ZNF707: variants seen among roughly 807,000 people sequenced by gnomAD.
The protein encoded by ZNF707 is zinc finger protein 707.
Under a neutral mutation model 13.3 loss-of-function variants are expected in ZNF707, and 8 were observed. The observed-to-expected ratio is 0.60, with a 90% CI of 0.35 to 1.09. ZNF707 has a LOEUF of 1.09. ZNF707 is among the 50% of genes least tolerant of loss of function. ZNF707 has a pLI of 0.02. For synonymous variants in ZNF707, 225 were observed against 205.6 expected, an observed-to-expected ratio of 1.09 and a Z score of -0.81; for missense variants, 530 against 512.6, an observed-to-expected ratio of 1.03 and a Z score of -0.33.
chr8:143,686,819 T>C (rs1004297039), intron 1 of ZNF707: 16 of 145,000 alleles, frequency 1.1e-4, no homozygotes, highest in Non-Finnish European at 2.2e-4. Context: ...TTTTTTTTTT[T>C]TCTTAACTGC....
chr8:143,690,776 G>A, intron 3 of ZNF707: 1 of 416,546 alleles, frequency 2.4e-6, no homozygotes, highest in Non-Finnish European at 4.3e-6. Flanking sequence ...GGCCACTATT[G>A]TGCTGTGTTC....
intron 4 of ZNF707, 185 bp from the exon 5 acceptor site, chr8:143,691,415 A>C: frequency 9.4e-7 from 1 of 1,064,976 alleles, no homozygotes; most frequent in Non-Finnish European, 1.3e-6. Context: ...TGACCTTGCC[A>C]GGGCCTTCCG....
Position 143,694,263 on chromosome 8 carries a change from C to T in ZNF707, c.849C>T (p.Thr283=), listed in dbSNP as rs371238101. 1.1e-4 allele frequency: 175 copies of T among 1,591,872 alleles called. 5 individuals are homozygous for T. In the South Asian group the frequency reaches 1.7e-3, roughly 15 times the overall value. Residue 283 remains threonine (T), a synonymous_variant, in exon 6 of 6, where the codon ACC becomes ACT. Coordinates refer to ENST00000358656, the MANE Select transcript of ZNF707 (RefSeq NM_001100598.2). The surrounding 1 kb of genome is among the most constrained non-coding windows in gnomAD (Gnocchi z 4.4). ...TTCTCAGACACCAGCTGGTGCACAC[C>T]GGGGAGCGGCCGTTCTACTGCGCGG... is the stretch of plus-strand genomic sequence containing the variant. The part of the protein sequence containing the change: ...SNLLRHQLVH[T]GERPFYCADC...
At chr8:143,688,270 A>G (rs1362918253) in intron 1 of ZNF707, among the ~76,000 whole-genome samples, 2 of 152,076 alleles carry the variant, frequency 1.3e-5, no homozygotes, top group Non-Finnish European at 2.9e-5. Flanking sequence ...GAAAGAGTGA[A>G]AAAAAAATAT....
intron 5 of ZNF707, chr8:143,692,248 G>A (rs1554613847): frequency 7.8e-7 from 1 of 1,290,030 alleles, no homozygotes; most frequent in Admixed American, 2.3e-5. Flanking sequence ...TTTTCAGAGT[G>A]GGATGGAGCA....
rs1392188398 is a variant in ZNF707 at position 143,693,422 on chromosome 8, G to C, written c.257-249G>C. Among the ~76,000 whole-genome samples, 1 of 151,816 alleles carries C rather than the reference G, an allele frequency of 6.6e-6. No homozygotes were observed. Among genetic ancestry groups the C allele is most frequent in the African/African-American group, 2.4e-5 (1 of 41,370 alleles). On this transcript the variant is annotated intron_variant, in intron 5 of 5. Coordinates refer to ENST00000358656, the MANE Select transcript of ZNF707 (RefSeq NM_001100598.2). The surrounding 1 kb of genome is among the most constrained non-coding windows in gnomAD (Gnocchi z 4.1). ...CCTGCCTCAGCCTCCCGAGTAGCTG[G>C]GACCACAGGCGCCCGCCACTGCGCC...
Position 143,694,184 on chromosome 8 carries a change from A to C in ZNF707, c.770A>C (p.His257Pro). The C allele has an allele frequency of 6.4e-7, 1 of 1,574,790 alleles. No individual in the cohort carries two copies. The highest frequency in any genetic ancestry group is 8.6e-7 in the Non-Finnish European group (1 of 1,159,996). ...CAGCACCGCAAGGTCCACACCGAGC[A>C]CAGGCCCTACTCGTGTGGCGACTGT... ...LAQHRKVHTEHRPYSCGDCGK... is the reference protein window; with the variant it reads ...LAQHRKVHTEPRPYSCGDCGK... The change falls in exon 6 of 6, where the codon CAC becomes CCC. Residue 257 changes from histidine (H) to proline (P), a missense_variant. Physicochemically the swap from His to Pro is moderately conservative, Grantham distance 77. Coordinates refer to ENST00000358656, the MANE Select transcript of ZNF707 (RefSeq NM_001100598.2). This position sits in a 1 kb window ranked among gnomAD's most constrained non-coding sequence, Gnocchi z 4.4.
At chr8:143,688,049 T>C (rs1489038971) in intron 1 of ZNF707, 2 of 147,544 alleles carry the variant, frequency 1.4e-5, no homozygotes, top group Admixed American at 1.4e-4. Flanking sequence ...CTCGGCTCAC[T>C]GCAAGCTCTG....
rs559876557 is a variant in ZNF707, at chr8:143,694,453, G to A, written c.1039G>A (p.Gly347Ser). The A allele has an allele frequency of 2.2e-5, 36 of 1,612,102 alleles. No homozygotes were observed. The East Asian group carries it at 5.8e-4, about 26-fold the overall frequency. Reference sequence around the variant, plus strand: ...CCTGACGAAGAGGTTCTACGAGTGCGGCCACTGTGGGAAAGGCTTCCGTCA... The same window carrying A: ...CCTGACGAAGAGGTTCTACGAGTGCAGCCACTGTGGGAAAGGCTTCCGTCA... Reference protein sequence around the residue: ...LHLTKRFYECGHCGKGFRHLG... With the variant: ...LHLTKRFYECSHCGKGFRHLG... Residue 347 changes from glycine to serine, a missense_variant, in exon 6 of 6, where the codon GGC (glycine) becomes AGC (serine). By Grantham distance (56) the Gly-to-Ser change is moderately conservative. Coordinates refer to ENST00000358656, the MANE Select transcript of ZNF707 (RefSeq NM_001100598.2). The surrounding 1 kb of genome is among the most constrained non-coding windows in gnomAD (Gnocchi z 4.4).
In ZNF707 at chr8:143,693,591, G is replaced by A. The variant is rs901844661; in HGVS notation, c.257-80G>A. 11 of 1,434,732 alleles carry A rather than the reference G, an allele frequency of 7.7e-6. No individual in the cohort carries two copies. Among genetic ancestry groups the A allele is most frequent in the East Asian group, 7.6e-5 (3 of 39,436 alleles). The allele number at this position is 1,434,732 out of a possible 1,614,324, so 88.9% of individuals were successfully genotyped here. A position where few individuals can be genotyped will look rare whatever the true frequency, so the allele number is the denominator to read the frequency against. On this transcript the variant is annotated intron_variant, in intron 5 of 5. Transcript: ENST00000358656. The surrounding 1 kb of genome is among the most constrained non-coding windows in gnomAD (Gnocchi z 4.1). ...ATTACAGGCGTGAGCCACCGCGCCC[G>A]GCCTCCTCTGGGCTTTGCTGGAGGC...
chr8:143,690,136 G>A lies in ZNF707; in HGVS notation c.15+13G>A, dbSNP rs782375048. 2.5e-6 allele frequency: 4 copies of A among 1,604,650 alleles called. No homozygotes were observed. The East Asian group carries it at 8.9e-5, about 36-fold the overall frequency. ...GGACATGGCCCAGGTGAGCCCTGCT[G>A]CTGCCGAGCGCAGCCTCCCTTCTGC... On this transcript the variant is annotated intron_variant, in intron 3 of 5. Transcript: ENST00000358656.
rs1300622762 is a variant in ZNF707 at position 143,694,853 on chromosome 8, G to T, written c.*323G>T. On this transcript the variant is annotated 3_prime_UTR_variant, in exon 6 of 6. Coordinates refer to ENST00000358656, the MANE Select transcript of ZNF707 (RefSeq NM_001100598.2). The surrounding 1 kb of genome is among the most constrained non-coding windows in gnomAD (Gnocchi z 4.4). ...GCCGGGCTCAGAGGCGGAGAAGCCT[G>T]CCTGGTGCCCACAGCCGTCTGGCTC... 2 of 290,520 alleles carry T rather than the reference G, an allele frequency of 6.9e-6. No individual in the cohort carries two copies. Among genetic ancestry groups the T allele is most frequent in the African/African-American group, 4.4e-5 (2 of 45,972 alleles). The allele number at this position is 290,520 out of a possible 1,614,324, so 18.0% of individuals were successfully genotyped here. A position where few individuals can be genotyped will look rare whatever the true frequency, so the allele number is the denominator to read the frequency against.
At chr8:143,690,007 G>C in intron 2 of ZNF707, 50 bp from the exon 3 acceptor site, 1 of 1,512,026 alleles carries the variant, frequency 6.6e-7, no homozygotes, top group Non-Finnish European at 9.1e-7. Flanking sequence ...GTCAGGTGCG[G>C]GGGGCATTCC....
In ZNF707 at chr8:143,694,531, G is replaced by T. The variant is rs201437689; in HGVS notation, c.*1G>T. On this transcript the variant is annotated 3_prime_UTR_variant, in exon 6 of 6. Coordinates refer to ENST00000358656, the MANE Select transcript of ZNF707 (RefSeq NM_001100598.2). This position sits in a 1 kb window ranked among gnomAD's most constrained non-coding sequence, Gnocchi z 4.4. ...GACTCACAGGCACGGGGAGGTGTAG[G>T]GGCGCCCGAAGAGTGGGGTGCTGCG... 78 of 1,592,856 alleles carry T rather than the reference G, an allele frequency of 4.9e-5. No homozygotes were observed. The highest frequency in any genetic ancestry group is 6.4e-5 in the Non-Finnish European group (75 of 1,165,846).
rs545280043 is a variant in ZNF707 at position 143,694,157 on chromosome 8, C to G, written c.743C>G (p.Ala248Gly). The G allele has an allele frequency of 2.3e-5, 36 of 1,584,454 alleles. 1 individual carries two copies. The South Asian group carries it at 4.1e-4, about 18-fold the overall frequency. ...GQAFSLKDRLAQHRKVHTEHR... is the reference protein window; with the variant it reads ...GQAFSLKDRLGQHRKVHTEHR... ...GCGTTCAGCCTGAAGGACCGCCTGG[C>G]TCAGCACCGCAAGGTCCACACCGAG... Residue 248 changes from alanine to glycine, a missense_variant, in exon 6 of 6, where the codon GCT (alanine) becomes GGT (glycine). Physicochemically the swap from Ala to Gly is moderately conservative, Grantham distance 60. Coordinates refer to ENST00000358656, the MANE Select transcript of ZNF707 (RefSeq NM_001100598.2). This position sits in a 1 kb window ranked among gnomAD's most constrained non-coding sequence, Gnocchi z 4.4.
chr8:143,688,230 CATT>C (rs1305957589), intron 1 of ZNF707, among the ~76,000 whole-genome samples: 1 of 151,718 alleles, frequency 6.6e-6, no homozygotes, highest in Non-Finnish European at 1.5e-5. Context: ...TGGGGATTAA[CATT>C]GTGATTAAAG....
Position 143,693,754 on chromosome 8 carries a change from G to A in ZNF707, c.340G>A (p.Ala114Thr). 1 of 1,613,138 alleles carries A rather than the reference G, an allele frequency of 6.2e-7. No homozygotes were observed. The highest frequency in any genetic ancestry group is 8.5e-7 in the Non-Finnish European group (1 of 1,179,808). The change falls in exon 6 of 6, where the codon GCC becomes ACC. Residue 114 changes from alanine to threonine, a missense_variant. Ala to Thr is a moderately conservative substitution (Grantham distance 58). Transcript: ENST00000358656. This position sits in a 1 kb window ranked among gnomAD's most constrained non-coding sequence, Gnocchi z 4.1. ...GAAAACCCACGTGCGGCGAGAAAGA[G>A]CCAGGGAAGGAAGCAGCTTTAGGAA... The part of the protein sequence containing the change: ...HKKTHVRRER[A>T]REGSSFRKGF...
At chr8:143,686,775 G>A (rs1196833355) in intron 1 of ZNF707, 1 of 151,604 alleles carries the variant, frequency 6.6e-6, no homozygotes, top group African/African-American at 2.4e-5. Flanking sequence ...CAAAGTGCTG[G>A]GATTACAGGC....
At position 143,694,433 on chromosome 8, in the gene ZNF707, C is replaced by G. The variant is rs782663817; in HGVS notation, c.1019C>G (p.Thr340Arg). The G allele has an allele frequency of 6.2e-7, 1 of 1,612,280 alleles. No homozygotes were observed. The highest frequency in any genetic ancestry group is 1.1e-5 in the South Asian group (1 of 90,998). Residue 340 changes from threonine (T) to arginine (R), a missense_variant, in exon 6 of 6, where the codon ACG (threonine) becomes AGG (arginine). Physicochemically the swap from Thr to Arg is moderately conservative, Grantham distance 71. Coordinates refer to ENST00000358656, the MANE Select transcript of ZNF707 (RefSeq NM_001100598.2). This position sits in a 1 kb window ranked among gnomAD's most constrained non-coding sequence, Gnocchi z 4.4. ...GFSIHRRLHL[T>R]KRFYECGHCG... ...AGCATCCACCGGAGGCTGCACCTGACGAAGAGGTTCTACGAGTGCGGCCAC... is the reference window on the plus strand; with the variant it reads ...AGCATCCACCGGAGGCTGCACCTGAGGAAGAGGTTCTACGAGTGCGGCCAC...
Sources: gnomAD v4.1 joint callset for allele counts (sites outside exome capture counted in the v4.1 genomes callset) on GRCh38, gnomAD v4.1.1 for gene constraint, Gnocchi (gnomAD v3.1) non-coding constraint, MANE v1.5 for transcripts, NCBI Gene and HGNC (gene_info 2026-07-23, HGNC 2026-07-21) for gene names.